Variants in CDH19 observed in about 807,000 individuals in gnomAD.
CDH19 encodes cadherin 19, also known as cadherin-19.
CDH19 carries 67 observed loss-of-function variants against 64.2 expected under a neutral mutation model. The ratio of observed to expected loss-of-function variants is 1.04; its 90% confidence interval spans 0.86 to 1.28. The LOEUF (loss-of-function observed/expected upper bound fraction) is 1.28, where lower values mean the gene tolerates loss of function less well. Among genes scored for constraint, CDH19 ranks in the 50% most tolerant of loss-of-function variants. The pLI is 0.00. For synonymous variants in CDH19, 346 were observed against 319.3 expected (o/e 1.08, Z -0.89); for missense variants, 1,030 against 929.0 (o/e 1.11, Z -1.41).
intron 9 of CDH19, among the ~76,000 whole-genome samples, chr18:66,520,327 G>A (rs892114376): frequency 6.9e-6 from 1 of 144,886 alleles, no homozygotes; most frequent in Non-Finnish European, 1.5e-5. Flanking sequence ...ATAACTAGCT[G>A]GAAGAAAATA....
At chr18:66,520,035 A>T (rs975722558) in intron 9 of CDH19, among the ~76,000 whole-genome samples, 4 of 152,044 alleles carry the variant, frequency 2.6e-5, no homozygotes, top group African/African-American at 7.2e-5. Flanking sequence ...ACTATAAAAA[A>T]TTAGCCGGGT....
At chr18:66,548,981 G>A (rs985867521) in intron 5 of CDH19, among the ~76,000 whole-genome samples, 6 of 152,018 alleles carry the variant, frequency 3.9e-5, no homozygotes, top group African/African-American at 1.4e-4. Context: ...TAATTGGGAG[G>A]GTAGGAAGTG....
At position 66,509,206 on chromosome 18, in the gene CDH19, G is replaced by A; in HGVS notation, c.1617C>T (p.Asn539=). ...TGTAGAAGACAGGTTCTTCTTGAAG[G>A]TTAAAACCAGTTCTATTAGTCAAAA... ...AVILTNRTGF[N]LQEEPVFYIS... is the part of the protein sequence containing the mutation. The change falls in exon 11 of 12, where the codon AAC becomes AAT. Residue 539 remains asparagine, a synonymous_variant. Coordinates refer to ENST00000262150, the MANE Select transcript of CDH19 (RefSeq NM_021153.4). The A allele has an allele frequency of 6.2e-7, 1 of 1,612,482 alleles. No homozygotes were observed. Among genetic ancestry groups the A allele is most frequent in the Non-Finnish European group, 8.5e-7 (1 of 1,179,018 alleles).
At chr18:66,589,042 G>A (rs1226833781) in intron 1 of CDH19, among the ~76,000 whole-genome samples, 2 of 151,676 alleles carry the variant, frequency 1.3e-5, no homozygotes, top group Non-Finnish European at 2.9e-5. Context: ...AAAATTTCAT[G>A]AACCTTCAAA....
chr18:66,504,846 C>T lies in CDH19; in HGVS notation c.2285G>A (p.Cys762Tyr). ...TGACTGCACTGCAGAACCAAACATG[C>T]ATGCTAATCTTTTAAAGCGAGGTCC... is the stretch of plus-strand genomic sequence containing the variant. ...ELGPRFKRLA[C>Y]MFGSAVQSNN is the part of the protein sequence containing the mutation. The change falls in exon 12 of 12, where the codon TGC becomes TAC. Residue 762 changes from cysteine (C) to tyrosine (Y), a missense_variant. Cys to Tyr is a radical substitution (Grantham distance 194). Coordinates refer to ENST00000262150, the MANE Select transcript of CDH19 (RefSeq NM_021153.4). The T allele has an allele frequency of 6.2e-7, 1 of 1,606,528 alleles. No individual in the cohort carries two copies. The highest frequency in any genetic ancestry group is 1.3e-5 in the African/African-American group (1 of 74,858).
chr18:66,502,090 G>T lies in CDH19; in HGVS notation c.*2722C>A, dbSNP rs1984968369. Reference sequence around the variant, plus strand: ...AAATTTACAAAAATAAATTCTTAATGTAATGCCTTTTTAGTTTAAGAGCTG... The same window carrying T: ...AAATTTACAAAAATAAATTCTTAATTTAATGCCTTTTTAGTTTAAGAGCTG... On this transcript the variant is annotated 3_prime_UTR_variant, in exon 12 of 12. Coordinates refer to ENST00000262150, the MANE Select transcript of CDH19 (RefSeq NM_021153.4). 6.6e-6 allele frequency: 1 copy of T among 152,060 alleles called. No individual in the cohort carries two copies. Among genetic ancestry groups the T allele is most frequent in the Non-Finnish European group, 1.5e-5 (1 of 68,000 alleles). 9.4% of individuals were successfully genotyped at this position (152,060 alleles called of 1,614,324 possible). A position where few individuals can be genotyped will look rare whatever the true frequency, so the allele number is the denominator to read the frequency against.
intron 10 of CDH19, 108 bp downstream of exon 10, chr18:66,511,460 C>A: frequency 1.7e-6 from 1 of 574,470 alleles, no homozygotes; most frequent in Non-Finnish European, 3.1e-6. Flanking sequence ...GATTTCCAAA[C>A]ATTATTATGT....
chr18:66,529,663 A>G (rs1353059125), intron 9 of CDH19, among the ~76,000 whole-genome samples, 182 bp downstream of exon 9: 2 of 147,916 alleles, frequency 1.4e-5, no homozygotes, highest in East Asian at 1.9e-4. Flanking sequence ...TTATATATAT[A>G]ATTTGTATAT....
chr18:66,595,521 A>G (rs1988863519), intron 1 of CDH19, among the ~76,000 whole-genome samples: 1 of 150,642 alleles, frequency 6.6e-6, no homozygotes, highest in Admixed American at 6.6e-5. Flanking sequence ...AGAAAAAAAA[A>G]AAAAAAAAAA....
In CDH19 at chr18:66,505,021, C is replaced by T. The variant is rs1450796895; in HGVS notation, c.2110G>A (p.Glu704Lys). The change falls in exon 12 of 12, where the codon GAA (glutamate) becomes AAA (lysine). Residue 704 changes from glutamate (E) to lysine (K), a missense_variant. Glu to Lys is a moderately conservative substitution (Grantham distance 56). Transcript: ENST00000262150. ...GCACACGGATCAGTATTAGCTTCTTCGAGCTTTTCCAGAATGAATTTCCTG... is the reference window on the plus strand; with the variant it reads ...GCACACGGATCAGTATTAGCTTCTTTGAGCTTTTCCAGAATGAATTTCCTG... ...IFRKFILEKL[E>K]EANTDPCAPP... The T allele has an allele frequency of 6.2e-7, 1 of 1,613,590 alleles. No homozygotes were observed. Among genetic ancestry groups the T allele is most frequent in the African/African-American group, 1.3e-5 (1 of 74,986 alleles).
At chr18:66,522,944 C>T (rs564016348) in intron 9 of CDH19, among the ~76,000 whole-genome samples, 68 of 151,482 alleles carry the variant, frequency 4.5e-4, no homozygotes, top group African/African-American at 1.5e-3. Flanking sequence ...AAAATTGATA[C>T]CTTTTCCTAA....
chr18:66,579,928 T>C (rs1988377218), intron 1 of CDH19, among the ~76,000 whole-genome samples: 2 of 152,070 alleles, frequency 1.3e-5, no homozygotes, highest in African/African-American at 2.4e-5. Flanking sequence ...ACAGGGTGTC[T>C]TGAGAAAAAG....
chr18:66,585,180 T>G (rs1988540658), intron 1 of CDH19, among the ~76,000 whole-genome samples: 1 of 152,028 alleles, frequency 6.6e-6, no homozygotes, highest in Non-Finnish European at 1.5e-5. Flanking sequence ...ACAATATAAT[T>G]TCTTTAATTG....
chr18:66,589,071 C>G (rs1988666054), intron 1 of CDH19, among the ~76,000 whole-genome samples: 1 of 151,660 alleles, frequency 6.6e-6, no homozygotes. Flanking sequence ...GATGGTTTAA[C>G]AAAACCACCA....
At chr18:66,568,817 T>A in intron 2 of CDH19, 107 bp from the exon 3 acceptor site, 1 of 882,982 alleles carries the variant, frequency 1.1e-6, no homozygotes, top group Non-Finnish European at 1.7e-6. Context: ...GTTAATGATT[T>A]TATATTATTT....
At chr18:66,506,447 CA>C (rs1412191740) in intron 11 of CDH19, among the ~76,000 whole-genome samples, 1 of 151,740 alleles carries the variant, frequency 6.6e-6, no homozygotes, top group Non-Finnish European at 1.5e-5. Flanking sequence ...CAATTTGTAT[CA>C]ATTATAAATA....
intron 3 of CDH19, among the ~76,000 whole-genome samples, chr18:66,555,999 A>G (rs1023912678): frequency 6.6e-6 from 1 of 151,732 alleles, no homozygotes; most frequent in Non-Finnish European, 1.5e-5. Context: ...CAGTCTTTAG[A>G]GCCCCTAAGC....
At chr18:66,590,571 T>A (rs1191198655) in intron 1 of CDH19, among the ~76,000 whole-genome samples, 4 of 151,892 alleles carry the variant, frequency 2.6e-5, no homozygotes, top group African/African-American at 9.7e-5. Flanking sequence ...TTAACACTTA[T>A]TTATAGAACA....
intron 5 of CDH19, among the ~76,000 whole-genome samples, chr18:66,548,828 G>T (rs1987235449): frequency 6.6e-6 from 1 of 152,314 alleles, no homozygotes; most frequent in African/African-American, 2.4e-5. Flanking sequence ...GCTAAGTATG[G>T]AAGTGAAGGC....
Sources: allele counts gnomAD v4.1 joint callset (sites outside exome capture counted in the v4.1 genomes callset), GRCh38; gene constraint gnomAD v4.1.1; transcripts MANE v1.5; gene names NCBI Gene and HGNC (gene_info 2026-07-23, HGNC 2026-07-21).